The following CLRN1 variants were observed in gnomAD, a reference collection of about 807,000 sequenced individuals.
The protein encoded by CLRN1 is clarin 1, also known as clarin-1.
Under a neutral mutation model 18.7 loss-of-function variants are expected in CLRN1, and 15 were observed. That is an observed-to-expected ratio of 0.80 (90% confidence interval 0.54 to 1.23). CLRN1 has a LOEUF of 1.23. Ranked by LOEUF, CLRN1 falls within the 50% of genes most tolerant of loss-of-function variation. The pLI is 0.00. For missense variants in CLRN1, 311 were observed against 277.5 expected, an observed-to-expected ratio of 1.12 and a Z score of -0.86; for synonymous variants, 104 against 102.9, an observed-to-expected ratio of 1.01 and a Z score of -0.07.
chr3:150,959,320 C>G (rs969204436), intron 1 of CLRN1, among the ~76,000 whole-genome samples: 4 of 152,084 alleles, frequency 2.6e-5, no homozygotes, highest in Admixed American at 6.6e-5. Flanking sequence ...TCTCACATGT[C>G]AAGTAATGTT....
chr3:150,939,053 G>A (rs1419610850), intron 2 of CLRN1, among the ~76,000 whole-genome samples: 2 of 152,212 alleles, frequency 1.3e-5, no homozygotes, highest in East Asian at 3.9e-4. Context: ...GACGGCTGTT[G>A]CTGCTAATGA....
rs1011502585 is a variant in CLRN1, at chr3:150,927,306, T to G, written c.*630A>C. ...TATTTATTTTATTTTTTAATTTTGTTAGTGACAGGGTCTCACTTTATTGCC... is the reference window on the plus strand; with the variant it reads ...TATTTATTTTATTTTTTAATTTTGTGAGTGACAGGGTCTCACTTTATTGCC... On this transcript the variant is annotated 3_prime_UTR_variant, in exon 3 of 3. Transcript: ENST00000327047. 2.6e-6 allele frequency: 1 copy of G among 379,708 alleles called. No individual in the cohort carries two copies. Among genetic ancestry groups the G allele is most frequent in the Non-Finnish European group, 5.0e-6 (1 of 199,020 alleles). 23.5% of individuals were successfully genotyped at this position (379,708 alleles called of 1,614,324 possible).
intron 1 of CLRN1, among the ~76,000 whole-genome samples, chr3:150,965,038 T>C (rs563371828): frequency 4.6e-5 from 7 of 152,298 alleles, no homozygotes; most frequent in African/African-American, 1.7e-4. Context: ...ATTTCAGAAT[T>C]TAAAGTATAA....
rs1336337590 is a variant in CLRN1, at chr3:150,972,502, C to G, written c.207G>C (p.Glu69Asp). The G allele has an allele frequency of 6.2e-7, 1 of 1,614,210 alleles. No individual in the cohort carries two copies. Among genetic ancestry groups the G allele is most frequent in the Non-Finnish European group, 8.5e-7 (1 of 1,180,044 alleles). ...CTCCCAACCCACACTGCCTCACACCCTCTCCGTGGAAAAGCCCGTACTGCA... is the reference window on the plus strand; with the variant it reads ...CTCCCAACCCACACTGCCTCACACCGTCTCCGTGGAAAAGCCCGTACTGCA... ...GEMQYGLFHG[E>D]GVRQCGLGAR... Residue 69 changes from glutamate (E) to aspartate (D), a missense_variant, in exon 1 of 3, where the codon GAG (glutamate) becomes GAC (aspartate). Glu to Asp is a conservative substitution (Grantham distance 45, BLOSUM62 2). Transcript: ENST00000327047.
chr3:150,963,905 A>G (rs530392065), intron 1 of CLRN1, among the ~76,000 whole-genome samples: 1 of 152,332 alleles, frequency 6.6e-6, no homozygotes, highest in East Asian at 1.9e-4. Context: ...CCTTATACAA[A>G]AATTAACTCA....
intron 1 of CLRN1, among the ~76,000 whole-genome samples, chr3:150,950,661 G>T (rs1386308238): frequency 5.3e-5 from 8 of 152,202 alleles, no homozygotes; most frequent in Non-Finnish European, 1.5e-5. Flanking sequence ...ACAGAGGCTG[G>T]CAAGGTTGCA....
At chr3:150,960,015 C>T (rs142870348) in intron 1 of CLRN1, among the ~76,000 whole-genome samples, 1 of 152,280 alleles carries the variant, frequency 6.6e-6, no homozygotes, top group Non-Finnish European at 1.5e-5. Context: ...AATGGGGAGA[C>T]AAACAGCCAG....
chr3:150,939,964 T>C (rs1483529355), intron 2 of CLRN1, among the ~76,000 whole-genome samples: 1 of 152,222 alleles, frequency 6.6e-6, no homozygotes, highest in Non-Finnish European at 1.5e-5. Context: ...CTGGCTCATG[T>C]CCTATTGCTT....
chr3:150,969,478 G>A lies in CLRN1; in HGVS notation c.253+2978C>T, dbSNP rs919832531. ...AGTAGCTGGGACTACAGGCGCCCCC[G>A]CCACGCCCGGCTAATTTTTTGTATT... On this transcript the variant is annotated intron_variant, in intron 1 of 2. Transcript: ENST00000327047. Among the ~76,000 whole-genome samples, 4 of 150,270 alleles carry A rather than the reference G, an allele frequency of 2.7e-5. 1 individual carries two copies. The South Asian group carries it at 6.4e-4, about 24-fold the overall frequency.
chr3:150,927,899 G>C lies in CLRN1; in HGVS notation c.*37C>G, dbSNP rs779688500. 10 of 1,612,850 alleles carry C rather than the reference G, an allele frequency of 6.2e-6. No individual in the cohort carries two copies. The highest frequency in any genetic ancestry group is 5.0e-5 in the Admixed American group (3 of 60,012). ...CCACATCTAAAAGTGACCAAAGCAA[G>C]TCTACTCCCTTGTAAAATTATAGAA... On this transcript the variant is annotated 3_prime_UTR_variant, in exon 3 of 3. Coordinates refer to ENST00000327047, the MANE Select transcript of CLRN1 (RefSeq NM_174878.3).
chr3:150,943,076 A>G lies in CLRN1; in HGVS notation c.254-1315T>C, dbSNP rs186270487. ...AACTGCAACAGTTAGGAGAGACCCT[A>G]TCAAGAACTGTCCGGGTGAATTAGT... is the stretch of plus-strand genomic sequence containing the variant. On this transcript the variant is annotated intron_variant, in intron 1 of 2. Coordinates refer to ENST00000327047, the MANE Select transcript of CLRN1 (RefSeq NM_174878.3). 2.0e-5 allele frequency among the ~76,000 whole-genome samples: 3 copies of G among 152,314 alleles called. No individual in the cohort carries two copies. In the East Asian group the frequency reaches 5.8e-4, roughly 29 times the overall value.
At chr3:150,972,881 G>T (rs946023250), upstream of CLRN1, 1 of 827,370 alleles carries the variant, frequency 1.2e-6, no homozygotes, top group Non-Finnish European at 2.0e-6. Context: ...GTAGATGAAG[G>T]CCTCATCATC....
At chr3:150,929,730 C>T (rs1477879963) in intron 2 of CLRN1, among the ~76,000 whole-genome samples, 3 of 152,206 alleles carry the variant, frequency 2.0e-5, no homozygotes, top group Non-Finnish European at 2.9e-5. Context: ...AATTTGGTTT[C>T]AAATCCTGAT....
At chr3:150,932,368 G>T (rs1031330829) in intron 2 of CLRN1, among the ~76,000 whole-genome samples, 9 of 152,130 alleles carry the variant, frequency 5.9e-5, no homozygotes, top group Admixed American at 6.5e-5. Context: ...GGAGTCCAGA[G>T]GTCCTATGGG....
In CLRN1 at chr3:150,940,517, C is replaced by A. The variant is rs377460797; in HGVS notation, c.433+1065G>T. On this transcript the variant is annotated intron_variant, in intron 2 of 2. Transcript: ENST00000327047. ...TGCCTGGTAGCTGGCAGCCAAAGGG[C>A]AACTTCAGGAGAAAAAGAAACAGTC... is the stretch of plus-strand genomic sequence containing the variant. The A allele has an allele frequency of 1.7e-5, 26 of 1,534,354 alleles. No individual in the cohort carries two copies. The African/African-American group carries it at 3.3e-4, about 19-fold the overall frequency.
At chr3:150,939,383 C>T (rs1460780303) in intron 2 of CLRN1, among the ~76,000 whole-genome samples, 3 of 152,172 alleles carry the variant, frequency 2.0e-5, no homozygotes, top group African/African-American at 7.2e-5. Flanking sequence ...TCTGGCAATG[C>T]CAAACTCTTT....
At chr3:150,964,896 G>A (rs1446246671) in intron 1 of CLRN1, among the ~76,000 whole-genome samples, 1 of 152,104 alleles carries the variant, frequency 6.6e-6, no homozygotes, top group Non-Finnish European at 1.5e-5. Flanking sequence ...ACCGGGGCTT[G>A]TCGGTGGGTG....
intron 1 of CLRN1, among the ~76,000 whole-genome samples, chr3:150,943,157 A>T (rs1228180807): frequency 3.3e-5 from 5 of 152,202 alleles, no homozygotes; most frequent in African/African-American, 1.2e-4. Context: ...CAGCGGTATC[A>T]ATGACAGAAG....
intron 2 of CLRN1, among the ~76,000 whole-genome samples, chr3:150,936,368 C>T (rs1030510629): frequency 2.0e-5 from 3 of 152,142 alleles, no homozygotes; most frequent in African/African-American, 7.2e-5. Context: ...ATTTACTTGG[C>T]ATCTCCACTT....
Sources: gnomAD v4.1 joint callset for allele counts (sites outside exome capture counted in the v4.1 genomes callset) on GRCh38, gnomAD v4.1.1 for gene constraint, MANE v1.5 for transcripts, NCBI Gene and HGNC (gene_info 2026-07-23, HGNC 2026-07-21) for gene names.